Variants in LARP4B observed in about 807,000 individuals in gnomAD.
LARP4B encodes la-related protein 4B.
Under a neutral mutation model 89.8 loss-of-function variants are expected in LARP4B, and 12 were observed. The ratio of observed to expected loss-of-function variants is 0.13; its 90% confidence interval spans 0.09 to 0.22. The LOEUF is 0.22. Ranked by LOEUF, LARP4B falls within the 10% of genes least tolerant of loss-of-function variation. The pLI, the probability that LARP4B is intolerant of heterozygous loss-of-function variation, is 1.00. For missense variants in LARP4B, 757 were observed against 947.7 expected, an observed-to-expected ratio of 0.80 and a Z score of 2.64; for synonymous variants, 367 against 363.3, an observed-to-expected ratio of 1.01 and a Z score of -0.12.
chr10:877,508 T>A (rs1564426413), intron 3 of LARP4B, among the ~76,000 whole-genome samples: 1 of 152,242 alleles, frequency 6.6e-6, no homozygotes. Context: ...TCCTCTTGAG[T>A]TTGGACTCTG....
intron 7 of LARP4B, among the ~76,000 whole-genome samples, chr10:838,314 A>G (rs1281183110): frequency 6.6e-6 from 1 of 152,256 alleles, no homozygotes; most frequent in African/African-American, 2.4e-5. Context: ...GTGAAAGGCA[A>G]CGTCAACAGG....
At chr10:935,019 T>C (rs74117001), upstream of LARP4B, among the ~76,000 whole-genome samples, 977 of 152,342 alleles carry the variant, frequency 6.4e-3, 11 homozygotes, top group African/African-American at 0.023. Flanking sequence ...CAAGTTCTCC[T>C]GTGGAAAGAA....
At chr10:878,747 T>A (rs1358241810) in intron 3 of LARP4B, among the ~76,000 whole-genome samples, 1 of 152,212 alleles carries the variant, frequency 6.6e-6, no homozygotes, top group African/African-American at 2.4e-5. Flanking sequence ...GTGATGTGAC[T>A]ATTCTCTCAG....
chr10:830,280 C>CA (rs1018712887), intron 9 of LARP4B, among the ~76,000 whole-genome samples: 28 of 152,318 alleles, frequency 1.8e-4, no homozygotes, highest in African/African-American at 6.0e-4. Flanking sequence ...CTCCACTCCA[C>CA]AAAAATGGTT....
intron 3 of LARP4B, chr10:873,379 A>C: frequency 1.0e-6 from 1 of 985,438 alleles, no homozygotes; most frequent in Non-Finnish European, 1.2e-6. Flanking sequence ...AGGATCCAAA[A>C]GCTCAGAACA....
intron 1 of LARP4B, among the ~76,000 whole-genome samples, chr10:922,811 G>C (rs1409386184): frequency 6.6e-6 from 1 of 152,154 alleles, no homozygotes; most frequent in African/African-American, 2.4e-5. Context: ...AGTGGCTCAC[G>C]CCTGTAATCC....
At chr10:865,001 T>C (rs1834825667) in intron 3 of LARP4B, among the ~76,000 whole-genome samples, 1 of 152,010 alleles carries the variant, frequency 6.6e-6, no homozygotes. Flanking sequence ...AAACAAAAGG[T>C]GTAGAAGATG....
the LARP4B span, among the ~76,000 whole-genome samples, chr10:970,158 TC>T: frequency 6.6e-6 from 1 of 152,234 alleles, no homozygotes; most frequent in Non-Finnish European, 1.5e-5. Flanking sequence ...GAAATTACTT[TC>T]TTGCATGCCT....
intron 5 of LARP4B, among the ~76,000 whole-genome samples, chr10:858,049 G>A (rs1035825475): frequency 1.3e-5 from 2 of 152,114 alleles, no homozygotes; most frequent in Non-Finnish European, 2.9e-5. Context: ...TAAAATTAAA[G>A]AGCAAAAATC....
the LARP4B span, among the ~76,000 whole-genome samples, chr10:940,564 C>T: frequency 6.6e-6 from 1 of 152,264 alleles, no homozygotes; most frequent in Non-Finnish European, 1.5e-5. Flanking sequence ...GCCCCAGTGC[C>T]TGAAGTGGGC....
intron 5 of LARP4B, among the ~76,000 whole-genome samples, chr10:850,890 T>G (rs141669660): frequency 6.6e-6 from 1 of 151,112 alleles, no homozygotes; most frequent in East Asian, 1.9e-4. Flanking sequence ...AGAAAAAAAA[T>G]CAAAAAAGAA....
chr10:914,824 C>T (rs1056734752), intron 1 of LARP4B, among the ~76,000 whole-genome samples: 8 of 150,030 alleles, frequency 5.3e-5, no homozygotes, highest in African/African-American at 2.0e-4. Flanking sequence ...CCGCCCACCC[C>T]CCAGCAAAGA....
At chr10:827,762 C>G (rs981365362) in intron 11 of LARP4B, among the ~76,000 whole-genome samples, 1 of 152,140 alleles carries the variant, frequency 6.6e-6, no homozygotes, top group Non-Finnish European at 1.5e-5. Context: ...TGGCAAGCCA[C>G]GTGCAGCGAT....
the LARP4B span, chr10:987,295 C>T: frequency 1.3e-5 from 2 of 152,222 alleles, no homozygotes; most frequent in African/African-American, 4.8e-5. Flanking sequence ...ATGAGAAAAG[C>T]ATGACCCAGA....
In LARP4B at chr10:811,782, A is replaced by C. The variant is rs1262794602; in HGVS notation, c.*1144T>G. 1 of 152,622 alleles carries C rather than the reference A, an allele frequency of 6.6e-6. No homozygotes were observed. The highest frequency in any genetic ancestry group is 1.5e-5 in the Non-Finnish European group (1 of 68,050). The allele number at this position is 152,622 out of a possible 1,614,324, so 9.5% of individuals were successfully genotyped here. Reference sequence around the variant, plus strand: ...ATGTTTGCTGCTTAGAATAAAGAAAAATTTGAGGCATTTTAAAACAAAATA... The same window carrying C: ...ATGTTTGCTGCTTAGAATAAAGAAACATTTGAGGCATTTTAAAACAAAATA... On this transcript the variant is annotated 3_prime_UTR_variant, in exon 18 of 18. Coordinates refer to ENST00000316157, the MANE Select transcript of LARP4B (RefSeq NM_015155.3).
At chr10:943,505 C>T in the LARP4B span, among the ~76,000 whole-genome samples, 1 of 152,114 alleles carries the variant, frequency 6.6e-6, no homozygotes, top group Non-Finnish European at 1.5e-5. Context: ...TCATGGCTCA[C>T]GGCAGCCTCA....
rs375939556 is a variant in LARP4B at position 825,348 on chromosome 10, T to C, written c.1233-32A>G. ...ATAAAAATGGTTTTATGTGTTGAGT[T>C]ATAAAATGATCAAGGCATTACATAA... On this transcript the variant is annotated intron_variant, in intron 12 of 17. Coordinates refer to ENST00000316157, the MANE Select transcript of LARP4B (RefSeq NM_015155.3). 4.5e-5 allele frequency: 72 copies of C among 1,605,094 alleles called. No homozygotes were observed. In the African/African-American group the frequency reaches 7.5e-4, roughly 17 times the overall value.
chr10:914,812 C>T (rs1364783236), intron 1 of LARP4B, among the ~76,000 whole-genome samples: 2 of 149,402 alleles, frequency 1.3e-5, no homozygotes, highest in Non-Finnish European at 3.0e-5. Context: ...CACCCGCCCC[C>T]ACCGCCCACC....
intron 9 of LARP4B, 134 bp from the exon 10 acceptor site, chr10:829,868 T>C (rs1237466349): frequency 1.5e-6 from 1 of 659,260 alleles, no homozygotes; most frequent in African/African-American, 1.8e-5. Flanking sequence ...TAATGATTCT[T>C]GACACTCCCT....
Sources: gnomAD v4.1 joint callset for allele counts (sites outside exome capture counted in the v4.1 genomes callset) on GRCh38, gnomAD v4.1.1 for gene constraint, MANE v1.5 for transcripts, NCBI Gene and HGNC (gene_info 2026-07-23, HGNC 2026-07-21) for gene names.